DGKI: variants seen among roughly 807,000 people sequenced by gnomAD.
DGKI encodes DAG kinase iota.
Under a neutral mutation model 147.5 loss-of-function variants are expected in DGKI, and 55 were observed. That is an observed-to-expected ratio of 0.37 (90% CI 0.30 to 0.47). DGKI has a LOEUF of 0.47. DGKI is among the 20% of genes least tolerant of loss of function. The pLI, the probability that DGKI is intolerant of heterozygous loss-of-function variation, is 1.00. For missense variants in DGKI, 1,007 were observed against 1,323.8 expected (o/e 0.76, Z 3.71); for synonymous variants, 469 against 477.1 (o/e 0.98, Z 0.22).
At chr7:137,643,031 C>T (rs577321946) in intron 6 of DGKI, among the ~76,000 whole-genome samples, 124 of 149,364 alleles carry the variant, frequency 8.3e-4, no homozygotes, top group Non-Finnish European at 1.4e-3. Context: ...GTGGCTCATG[C>T]CTATAATCCT....
At chr7:137,393,282 G>A (rs1030275929) in intron 32 of DGKI, among the ~76,000 whole-genome samples, 1 of 151,984 alleles carries the variant, frequency 6.6e-6, no homozygotes, top group South Asian at 2.1e-4. Context: ...AAGTTTCCAT[G>A]AACATTGAGT....
chr7:137,722,033 C>G, intron 1 of DGKI: 1 of 1,587,460 alleles, frequency 6.3e-7, no homozygotes, highest in South Asian at 1.1e-5. Flanking sequence ...GAGAAGAAAC[C>G]TGAAGCCAAG....
At chr7:137,533,494 T>G (rs1229646228) in intron 20 of DGKI, among the ~76,000 whole-genome samples, 2 of 152,136 alleles carry the variant, frequency 1.3e-5, no homozygotes, top group African/African-American at 4.8e-5. Context: ...CTCCTTTCAC[T>G]TACCACATTA....
chr7:137,536,058 C>A (rs1188508115), intron 20 of DGKI, among the ~76,000 whole-genome samples: 8 of 152,076 alleles, frequency 5.3e-5, no homozygotes, highest in East Asian at 3.8e-4. Flanking sequence ...AACTGTTATT[C>A]TTCATAATCA....
intron 10 of DGKI, among the ~76,000 whole-genome samples, chr7:137,603,234 G>A (rs1820055357): frequency 6.6e-6 from 1 of 152,146 alleles, no homozygotes; most frequent in Non-Finnish European, 1.5e-5. Flanking sequence ...ACAATTGTTG[G>A]GGGTGTGGAG....
chr7:137,680,233 C>G (rs1031403357), intron 2 of DGKI, among the ~76,000 whole-genome samples: 2 of 152,148 alleles, frequency 1.3e-5, no homozygotes, highest in Admixed American at 6.5e-5. Context: ...CTACCCAGGA[C>G]TGGAATCTGC....
intron 8 of DGKI, among the ~76,000 whole-genome samples, chr7:137,618,151 A>ATATATTTTTTTTT: frequency 1.9e-4 from 2 of 10,450 alleles, no homozygotes; most frequent in African/African-American, 2.5e-4. Flanking sequence ...ATATATATAT[A>ATATATTTTTTTTT]TTTTTTTTTT....
intron 5 of DGKI, among the ~76,000 whole-genome samples, chr7:137,651,680 G>A (rs1822031852): frequency 6.6e-6 from 1 of 152,132 alleles, no homozygotes; most frequent in African/African-American, 2.4e-5. Context: ...GCAGACGGAA[G>A]AGAACATAGA....
At chr7:137,463,975 A>G (rs1814552445) in intron 26 of DGKI, among the ~76,000 whole-genome samples, 1 of 152,174 alleles carries the variant, frequency 6.6e-6, no homozygotes, top group African/African-American at 2.4e-5. Flanking sequence ...CTGGTGAGAA[A>G]TAAGAAAGGC....
chr7:137,465,764 T>A (rs1004718020), intron 26 of DGKI, 144 bp downstream of exon 26: 524 of 1,125,556 alleles, frequency 4.7e-4, no homozygotes, highest in Admixed American at 5.0e-4. Flanking sequence ...GACAGACTTA[T>A]AATAACCACT....
chr7:137,537,808 T>C (rs889920185), intron 20 of DGKI, among the ~76,000 whole-genome samples: 3 of 152,192 alleles, frequency 2.0e-5, no homozygotes, highest in African/African-American at 7.2e-5. Flanking sequence ...TCAGCTGCTT[T>C]AGAGGTAAGC....
chr7:137,643,119 G>A (rs1291224091), intron 6 of DGKI, among the ~76,000 whole-genome samples: 1 of 151,508 alleles, frequency 6.6e-6, no homozygotes, highest in Non-Finnish European at 1.5e-5. Flanking sequence ...GTGAAACCCT[G>A]TTTCTACTAA....
intron 1 of DGKI, chr7:137,721,870 A>G (rs978882729): frequency 1.5e-6 from 1 of 657,022 alleles, no homozygotes; most frequent in Non-Finnish European, 2.5e-6. Flanking sequence ...ACATGGTTCC[A>G]TTTGCCCAGA....
chr7:137,750,977 T>C (rs879213666), intron 1 of DGKI, among the ~76,000 whole-genome samples: 1 of 152,158 alleles, frequency 6.6e-6, no homozygotes, highest in African/African-American at 2.4e-5. Context: ...CCCCCGTCTT[T>C]TCAGCTGCAA....
chr7:137,517,304 A>T, intron 21 of DGKI, among the ~76,000 whole-genome samples: 1 of 139,180 alleles, frequency 7.2e-6, no homozygotes, highest in African/African-American at 2.8e-5. Flanking sequence ...AGAAAGAAAG[A>T]AAGAAAGAAA....
intron 32 of DGKI, among the ~76,000 whole-genome samples, chr7:137,395,021 G>A (rs749654248): frequency 2.0e-5 from 3 of 152,088 alleles, no homozygotes; most frequent in African/African-American, 7.2e-5. Context: ...AGTACCTGAG[G>A]TTAACTTTTA....
intron 8 of DGKI, 72 bp downstream of exon 8, chr7:137,619,752 G>A (rs774225451): frequency 3.4e-5 from 40 of 1,171,944 alleles, no homozygotes; most frequent in Admixed American, 1.2e-4. Context: ...GACTAGTCTG[G>A]GGAGAAAAGC....
Position 137,525,627 on chromosome 7 carries a change from A to T in DGKI, c.2148-3661T>A, listed in dbSNP as rs931603580. Among the ~76,000 whole-genome samples the T allele has an allele frequency of 2.6e-5, 4 of 152,186 alleles. No homozygotes were observed. In the East Asian group the frequency reaches 7.7e-4, roughly 29 times the overall value. On this transcript the variant is annotated intron_variant, in intron 20 of 32. Transcript: ENST00000614521. ...TTTCCTCATAGGTAAAGTGGAGATG[A>T]TATCAGTATCCACCTCATAGGCATA... is the stretch of plus-strand genomic sequence containing the variant.
At chr7:137,441,265 C>A (rs928250836) in intron 28 of DGKI, among the ~76,000 whole-genome samples, 1 of 151,500 alleles carries the variant, frequency 6.6e-6, no homozygotes, top group Non-Finnish European at 1.5e-5. Flanking sequence ...CTAAAAAATA[C>A]AAAAAATTAG....
Sources: allele counts gnomAD v4.1 joint callset (sites outside exome capture counted in the v4.1 genomes callset), GRCh38; gene constraint gnomAD v4.1.1; transcripts MANE v1.5; gene names NCBI Gene and HGNC (gene_info 2026-07-23, HGNC 2026-07-21).